The following PLS1 variants were observed in gnomAD, a reference collection of about 807,000 sequenced individuals.
The protein encoded by PLS1 is plastin-1.
In PLS1, 32 loss-of-function variants were observed where a neutral mutation model predicts 73.7. The observed-to-expected ratio is 0.43, with a 90% CI of 0.33 to 0.58. The LOEUF (loss-of-function observed/expected upper bound fraction) is 0.58, where lower values mean the gene tolerates loss of function less well. Among genes scored for constraint, PLS1 ranks in the 20% least tolerant of loss-of-function variants. The probability of loss-of-function intolerance (pLI) is 0.04; values close to 1 mark genes in which losing one functional copy is unlikely to be tolerated. For synonymous variants in PLS1, 217 were observed against 261.3 expected (o/e 0.83, Z 1.63); for missense variants, 633 against 740.5 (o/e 0.85, Z 1.68).
At chr3:142,660,564 C>T (rs919183842) in intron 1 of PLS1, among the ~76,000 whole-genome samples, 9 of 152,064 alleles carry the variant, frequency 5.9e-5, no homozygotes, top group African/African-American at 2.2e-4. Flanking sequence ...CCACCTCTGC[C>T]CAGCATGGTG....
At chr3:142,706,602 A>G (rs1350336739) in intron 14 of PLS1, among the ~76,000 whole-genome samples, 1 of 152,182 alleles carries the variant, frequency 6.6e-6, no homozygotes, top group African/African-American at 2.4e-5. Context: ...AGGAATACCA[A>G]TCTGAATGTA....
At chr3:142,628,408 C>G (rs1029932741) in intron 1 of PLS1, among the ~76,000 whole-genome samples, 1 of 148,766 alleles carries the variant, frequency 6.7e-6, no homozygotes, top group African/African-American at 2.5e-5. Flanking sequence ...TGTGTGCATG[C>G]ATATGTGTAT....
chr3:142,712,955 A>C lies in PLS1; in HGVS notation c.*948A>C, dbSNP rs1389446821. The C allele has an allele frequency of 6.6e-6, 1 of 152,586 alleles. No individual in the cohort carries two copies. Among genetic ancestry groups the C allele is most frequent in the Admixed American group, 6.6e-5 (1 of 15,262 alleles). The allele number at this position is 152,586 out of a possible 1,614,324, so 9.5% of individuals were successfully genotyped here. On this transcript the variant is annotated 3_prime_UTR_variant, in exon 16 of 16. Coordinates refer to ENST00000457734, the MANE Select transcript of PLS1 (RefSeq NM_001145319.2). ...AGCCAAACATTGGCTAGAACATCCCAAGATATGCTGACACTGTCCTGTTAG... is the reference window on the plus strand; with the variant it reads ...AGCCAAACATTGGCTAGAACATCCCCAGATATGCTGACACTGTCCTGTTAG...
Position 142,676,303 on chromosome 3 carries a change from C to G in PLS1, c.497+14C>G. 6.2e-7 allele frequency: 1 copy of G among 1,609,730 alleles called. No homozygotes were observed. On this transcript the variant is annotated intron_variant, in intron 5 of 15. Transcript: ENST00000457734. ...CATCCTTCTTTGGTGAGTTGAACTT[C>G]TGGTTAAGGAAGCTGCGTTCTTGCT... is the stretch of plus-strand genomic sequence containing the variant.
At chr3:142,678,228 C>T in intron 6 of PLS1, 115 bp downstream of exon 6, 1 of 406,134 alleles carries the variant, frequency 2.5e-6, no homozygotes, top group Non-Finnish European at 4.4e-6. Context: ...TGCTATTCTC[C>T]TATAAAAACT....
chr3:142,710,249 T>C (rs909680154), intron 14 of PLS1, among the ~76,000 whole-genome samples: 5 of 151,420 alleles, frequency 3.3e-5, no homozygotes, highest in Admixed American at 2.6e-4. Context: ...CTTTTGGTCA[T>C]AGGATAGTTG....
intron 14 of PLS1, among the ~76,000 whole-genome samples, chr3:142,708,119 G>A (rs1333659716): frequency 6.6e-6 from 1 of 152,116 alleles, no homozygotes; most frequent in Non-Finnish European, 1.5e-5. Flanking sequence ...CAATAAATGG[G>A]GCTTACCACG....
chr3:142,669,552 C>T lies in PLS1; in HGVS notation c.233C>T (p.Ser78Leu). The T allele has an allele frequency of 6.2e-7, 1 of 1,608,580 alleles. No homozygotes were observed. Among genetic ancestry groups the T allele is most frequent in the Non-Finnish European group, 8.5e-7 (1 of 1,176,068 alleles). ...AAAATCAGTTTTGAAGAGTTTGTGT[C>T]AGTAAGTAATCTAATCCTTTCGGGC... ...DGKISFEEFV[S>L]LMQELKSKDI... is the part of the protein sequence containing the mutation. The change falls in exon 3 of 16, where the codon TCA becomes TTA. Residue 78 changes from serine to leucine, a missense_variant and splice_region_variant. Coordinates refer to ENST00000457734, the MANE Select transcript of PLS1 (RefSeq NM_001145319.2).
At chr3:142,660,777 T>A (rs564060473) in intron 1 of PLS1, among the ~76,000 whole-genome samples, 246 of 152,344 alleles carry the variant, frequency 1.6e-3, no homozygotes, top group African/African-American at 5.7e-3. Flanking sequence ...AACAAAGCTT[T>A]AAAGATAGGA....
Position 142,684,389 on chromosome 3 carries a change from C to T in PLS1, c.882C>T (p.Asp294=), listed in dbSNP as rs372204157. The change falls in exon 8 of 16, where the codon GAC becomes GAT. Residue 294 remains aspartate (D), a synonymous_variant. Coordinates refer to ENST00000457734, the MANE Select transcript of PLS1 (RefSeq NM_001145319.2). The part of the protein sequence containing the change: ...GWHTISNFSQ[D]IKDSRAYFHL... ...ATACCATCAGCAACTTCAGCCAAGA[C>T]ATTAAGGTTTATATTTAAATGTTCA... 6.2e-7 allele frequency: 1 copy of T among 1,612,266 alleles called. No homozygotes were observed. Among genetic ancestry groups the T allele is most frequent in the Non-Finnish European group, 8.5e-7 (1 of 1,178,770 alleles).
intron 1 of PLS1, among the ~76,000 whole-genome samples, chr3:142,609,435 A>AC (rs11444541): frequency 0.26 from 38,996 of 152,138 alleles, 7,076 homozygotes; most frequent in African/African-American, 0.52. Flanking sequence ...ATGATCACGT[A>AC]CAGCTCTGAA....
At chr3:142,669,333 C>T (rs1052733823) in intron 2 of PLS1, 57 bp from the exon 3 acceptor site, 1 of 1,020,768 alleles carries the variant, frequency 9.8e-7, no homozygotes, top group Non-Finnish European at 1.4e-6. Flanking sequence ...AAAAGGCATC[C>T]TTATTGTACA....
At position 142,616,568 on chromosome 3, in the gene PLS1, T is replaced by C. The variant is rs115304117; in HGVS notation, c.-37+20059T>C. 8.3e-3 allele frequency among the ~76,000 whole-genome samples: 1,261 copies of C among 152,284 alleles called. 15 individuals carry two copies. The highest frequency in any genetic ancestry group is 0.029 in the African/African-American group (1,221 of 41,546). On this transcript the variant is annotated intron_variant, in intron 1 of 15. Coordinates refer to ENST00000457734, the MANE Select transcript of PLS1 (RefSeq NM_001145319.2). ...ATTTGCTTTTTGTATCTATTCATTTTCATGTTGAATTGTGTGTGTTGTTTA... is the reference window on the plus strand; with the variant it reads ...ATTTGCTTTTTGTATCTATTCATTTCCATGTTGAATTGTGTGTGTTGTTTA...
intron 6 of PLS1, among the ~76,000 whole-genome samples, chr3:142,681,847 A>G (rs2037863961): frequency 6.6e-6 from 1 of 152,208 alleles, no homozygotes; most frequent in Non-Finnish European, 1.5e-5. Flanking sequence ...ACTACCATTT[A>G]CTTGAAAGAA....
chr3:142,667,041 T>G (rs1296130541), intron 2 of PLS1, among the ~76,000 whole-genome samples: 1 of 152,240 alleles, frequency 6.6e-6, no homozygotes, highest in Non-Finnish European at 1.5e-5. Context: ...CTGTGATCTT[T>G]ATGGTTATTT....
intron 1 of PLS1, among the ~76,000 whole-genome samples, chr3:142,638,483 G>A (rs760648593): frequency 2.6e-5 from 4 of 152,282 alleles, no homozygotes; most frequent in African/African-American, 7.2e-5. Context: ...CAGTGTTGGC[G>A]GAAACATGCC....
chr3:142,598,156 G>A (rs756094740), intron 1 of PLS1, among the ~76,000 whole-genome samples: 10 of 152,126 alleles, frequency 6.6e-5, no homozygotes, highest in Non-Finnish European at 7.3e-5. Context: ...TACTACTGTT[G>A]TTTGTGCTGT....
At chr3:142,705,322 A>G (rs1294349872) in intron 14 of PLS1, among the ~76,000 whole-genome samples, 1 of 152,132 alleles carries the variant, frequency 6.6e-6, no homozygotes, top group Non-Finnish European at 1.5e-5. Flanking sequence ...AGCCAGCCAA[A>G]CCGATTCAAG....
At chr3:142,685,705 C>T (rs142436026) in intron 8 of PLS1, among the ~76,000 whole-genome samples, 10 of 152,246 alleles carry the variant, frequency 6.6e-5, no homozygotes, top group African/African-American at 2.4e-4. Context: ...CGTGGAAGCC[C>T]CAGAACATCA....
Sources: gnomAD v4.1 joint callset for allele counts (sites outside exome capture counted in the v4.1 genomes callset) on GRCh38, gnomAD v4.1.1 for gene constraint, MANE v1.5 for transcripts, NCBI Gene and HGNC (gene_info 2026-07-23, HGNC 2026-07-21) for gene names.